Variants in GSS observed in about 807,000 individuals in gnomAD.
GSS encodes GSH synthetase.
A neutral mutation model predicts 60.4 loss-of-function variants in GSS; 34 were observed. The observed-to-expected ratio is 0.56, with a 90% CI of 0.43 to 0.75. The LOEUF (loss-of-function observed/expected upper bound fraction) is 0.75, where lower values mean the gene tolerates loss of function less well. Among genes scored for constraint, GSS ranks in the 30% least tolerant of loss-of-function variants. The pLI, the probability that GSS is intolerant of heterozygous loss-of-function variation, is 0.00. For missense variants in GSS, 499 were observed against 595.1 expected (o/e 0.84, Z 1.68); for synonymous variants, 224 against 239.0 (o/e 0.94, Z 0.58).
chr20:34,935,392 G>C (rs1239549303), intron 9 of GSS, among the ~76,000 whole-genome samples, 184 bp downstream of exon 9: 1 of 152,198 alleles, frequency 6.6e-6, no homozygotes, highest in East Asian at 1.9e-4. Flanking sequence ...AATTCTAGAA[G>C]ACTGTGTAGA....
intron 1 of GSS, chr20:34,955,127 G>A (rs1188660716): frequency 6.6e-6 from 1 of 152,140 alleles, no homozygotes; most frequent in African/African-American, 2.4e-5. Context: ...AGCTGTCCCT[G>A]TTCTCCGCCC....
chr20:34,936,877 C>T (rs1449318691), intron 7 of GSS, 37 bp from the exon 8 acceptor site: 7 of 1,607,552 alleles, frequency 4.4e-6, no homozygotes, highest in Non-Finnish European at 6.0e-6. Flanking sequence ...GGAATGGATG[C>T]TATGTTCTGA....
chr20:34,929,443 A>G lies in GSS; in HGVS notation c.1259T>C (p.Val420Ala). The G allele has an allele frequency of 6.2e-7, 1 of 1,614,140 alleles. No homozygotes were observed. The highest frequency in any genetic ancestry group is 1.3e-5 in the African/African-American group (1 of 75,032). Residue 420 changes from valine to alanine, a missense_variant, in exon 12 of 13, where the codon GTC becomes GCC. Physicochemically the swap from Val to Ala is moderately conservative, Grantham distance 64. Coordinates refer to ENST00000651619, the MANE Select transcript of GSS (RefSeq NM_000178.4). ...LLRPGSPARV[V>A]QCISELGIFG... ...GATGCCCAGCTCTGAAATGCACTGG[A>G]CCACTCGGGCAGGGCTGCCAGGCCG...
intron 6 of GSS, among the ~76,000 whole-genome samples, chr20:34,938,698 G>A (rs965062186): frequency 6.6e-6 from 1 of 152,194 alleles, no homozygotes. Flanking sequence ...AAGTCAGCCT[G>A]CCAACTGCTA....
At chr20:34,954,802 T>C (rs6088659) in intron 1 of GSS, 134,769 of 153,802 alleles carry the variant, frequency 0.88, 59,450 homozygotes, top group East Asian at 1. Flanking sequence ...ATCTGCTTCT[T>C]CTCTGATGAA....
chr20:34,952,054 C>T, intron 1 of GSS, 194 bp from the exon 2 acceptor site: 1 of 631,672 alleles, frequency 1.6e-6, no homozygotes, highest in Non-Finnish European at 2.9e-6. Context: ...GAAAGCTTGA[C>T]AAAGCATTTC....
chr20:34,943,135 T>C (rs879163759), intron 3 of GSS, 129 bp from the exon 4 acceptor site: 2 of 724,194 alleles, frequency 2.8e-6, no homozygotes, highest in African/African-American at 1.7e-5. Flanking sequence ...TCCGCCCCAA[T>C]GTGGTAGAGA....
chr20:34,954,767 T>C (rs2081606851), intron 1 of GSS: 1 of 153,722 alleles, frequency 6.5e-6, no homozygotes, highest in Non-Finnish European at 1.5e-5. Context: ...ACAACCAGAA[T>C]AGAATTTGTT....
intron 1 of GSS, among the ~76,000 whole-genome samples, chr20:34,953,475 C>T (rs1292760188): frequency 6.6e-6 from 1 of 152,154 alleles, no homozygotes; most frequent in African/African-American, 2.4e-5. Flanking sequence ...ACAGACAGAC[C>T]TGGGTTTGAG....
chr20:34,930,359 C>T (rs2081391236), intron 11 of GSS, among the ~76,000 whole-genome samples: 2 of 152,106 alleles, frequency 1.3e-5, no homozygotes, highest in African/African-American at 4.8e-5. Context: ...TCAACTTGTC[C>T]AAGCAGAACT....
At position 34,928,815 on chromosome 20, in the gene GSS, C is replaced by G. The variant is rs1264431006; in HGVS notation, c.*13G>C. 6.2e-7 allele frequency: 1 copy of G among 1,614,072 alleles called. No homozygotes were observed. Among genetic ancestry groups the G allele is most frequent in the South Asian group, 1.1e-5 (1 of 91,074 alleles). ...ATACAGAGGATAGAAGGTCCCGTGG[C>G]CTGGTTGTGCCCTCACACAGGGTAT... On this transcript the variant is annotated 3_prime_UTR_variant, in exon 13 of 13. Transcript: ENST00000651619.
intron 2 of GSS, among the ~76,000 whole-genome samples, chr20:34,948,657 A>G (rs1358361617): frequency 6.6e-6 from 1 of 151,914 alleles, no homozygotes; most frequent in Non-Finnish European, 1.5e-5. Flanking sequence ...GGTGGCACAC[A>G]CCCGTAGTCC....
At chr20:34,932,407 C>T (rs1005325676) in intron 9 of GSS, among the ~76,000 whole-genome samples, 23 of 152,164 alleles carry the variant, frequency 1.5e-4, no homozygotes, top group Admixed American at 1.5e-3. Flanking sequence ...TGCTCAGCTT[C>T]CCACTGTGTT....
intron 1 of GSS, chr20:34,955,483 A>T (rs1361089294): frequency 6.6e-6 from 1 of 152,274 alleles, no homozygotes; most frequent in Non-Finnish European, 1.5e-5. Context: ...AACTGGCTCC[A>T]GTCTCACTGG....
At position 34,936,775 on chromosome 20, in the gene GSS, C is replaced by T. The variant is rs780544238; in HGVS notation, c.755G>A (p.Arg252Gln). The T allele has an allele frequency of 6.8e-6, 11 of 1,612,280 alleles. No homozygotes were observed. The highest frequency in any genetic ancestry group is 6.6e-5 in the South Asian group (6 of 91,022). The change falls in exon 8 of 13, where the codon CGA becomes CAA. Residue 252 changes from arginine (R) to glutamine (Q), a missense_variant. Arg to Gln is a conservative substitution (Grantham distance 43). Coordinates refer to ENST00000651619, the MANE Select transcript of GSS (RefSeq NM_000178.4). ...TGGGAATGCTTACACAAACAGCCTT[C>T]GGTCTTGGTCCAGAGACCCCTTTTC... ...ISEKGSLDQD[R>Q]RLFVDGQEIA...
At chr20:34,948,841 C>T (rs1457008168) in intron 2 of GSS, among the ~76,000 whole-genome samples, 3 of 151,504 alleles carry the variant, frequency 2.0e-5, no homozygotes, top group African/African-American at 7.3e-5. Context: ...ACGTGCATGA[C>T]AAAATTCTGC....
At chr20:34,951,461 T>G in intron 2 of GSS, 2 of 475,516 alleles carry the variant, frequency 4.2e-6, no homozygotes, top group Non-Finnish European at 3.8e-6. Flanking sequence ...GTAGGTCCTA[T>G]TATTATCCCA....
In GSS at chr20:34,929,568, T is replaced by C; in HGVS notation, c.1134A>G (p.Glu378=). Residue 378 remains glutamate, a synonymous_variant, in exon 12 of 13, where the codon GAA becomes GAG. Coordinates refer to ENST00000651619, the MANE Select transcript of GSS (RefSeq NM_000178.4). ...EGGGNNLYGE[E]MVQALKQLKD... is the part of the protein sequence containing the mutation. Reference sequence around the variant, plus strand: ...TCAGCTGTTTCAGGGCCTGTACCATTTCCTCCCCATATAGGTTGTTACCTG... The same window carrying C: ...TCAGCTGTTTCAGGGCCTGTACCATCTCCTCCCCATATAGGTTGTTACCTG... 4 of 1,614,048 alleles carry C rather than the reference T, an allele frequency of 2.5e-6. No homozygotes were observed. Among genetic ancestry groups the C allele is most frequent in the Non-Finnish European group, 3.4e-6 (4 of 1,179,908 alleles).
At chr20:34,954,234 G>A (rs2081594515) in intron 1 of GSS, 1 of 152,154 alleles carries the variant, frequency 6.6e-6, no homozygotes. Context: ...TAGGTACTGG[G>A]GATATGGAGG....
Sources: gnomAD v4.1 joint callset for allele counts (sites outside exome capture counted in the v4.1 genomes callset) on GRCh38, gnomAD v4.1.1 for gene constraint, MANE v1.5 for transcripts, NCBI Gene and HGNC (gene_info 2026-07-23, HGNC 2026-07-21) for gene names.